The following ADGRL1 variants were observed in gnomAD, a reference collection of about 807,000 sequenced individuals.
ADGRL1 encodes the protein adhesion G protein-coupled receptor L1, also known as CIRL-1.
Under a neutral mutation model 148.9 loss-of-function variants are expected in ADGRL1, and 31 were observed. That is an observed-to-expected ratio of 0.21 (90% CI 0.16 to 0.28). The LOEUF (loss-of-function observed/expected upper bound fraction) is 0.28. ADGRL1 is among the 10% of genes least tolerant of loss of function. ADGRL1 has a pLI of 1.00. For missense variants in ADGRL1, 1,521 were observed against 2,058.8 expected, an observed-to-expected ratio of 0.74 and a Z score of 5.05; for synonymous variants, 937 against 900.3, an observed-to-expected ratio of 1.04 and a Z score of -0.73.
intron 18 of ADGRL1, among the ~76,000 whole-genome samples, 199 bp from the exon 19 acceptor site, chr19:14,153,111 C>CA (rs1968381430): frequency 6.6e-6 from 1 of 152,216 alleles, no homozygotes; most frequent in Non-Finnish European, 1.5e-5. Context: ...GATCAGGTTT[C>CA]ACTCTCTTCT....
At position 14,187,562 on chromosome 19, in the gene ADGRL1, G is replaced by C. The variant is rs189365573; in HGVS notation, c.-95-3865C>G. On this transcript the variant is annotated intron_variant, in intron 1 of 22. Coordinates refer to ENST00000361434, the MANE Select transcript of ADGRL1 (RefSeq NM_014921.5). ...CCTCTCCACTGCCCCAGCTTCTTCA[G>C]TAAATCCCCCCCAGCTACCTCCAGC... Among the ~76,000 whole-genome samples, 1,033 of 138,178 alleles carry C rather than the reference G, an allele frequency of 7.5e-3. 17 individuals are homozygous for C. Among genetic ancestry groups the C allele is most frequent in the African/African-American group, 0.026 (979 of 37,704 alleles). 90.7% of individuals were successfully genotyped at this position (138,178 alleles called of 152,430 possible).
chr19:14,205,049 G>A (rs1972894030), intron 1 of ADGRL1, among the ~76,000 whole-genome samples: 1 of 152,078 alleles, frequency 6.6e-6, no homozygotes, highest in African/African-American at 2.4e-5. Flanking sequence ...GTAGAGACAG[G>A]GGTGTGTGTA....
chr19:14,156,572 G>C, intron 16 of ADGRL1, 86 bp downstream of exon 16: 6 of 887,278 alleles, frequency 6.8e-6, no homozygotes, highest in East Asian at 2.8e-5. Context: ...TGTGTGGGGG[G>C]GGTGGGGGGC....
chr19:14,161,695 G>T lies in ADGRL1; in HGVS notation c.1196-69C>A. ...CATGCCACAGTGTGCTTGGGCAGGG[G>T]GTCCCAGGCCATCTTAGCATCTTCC... On this transcript the variant is annotated intron_variant, in intron 5 of 22. Transcript: ENST00000361434. The surrounding 1 kb of genome is among the most constrained non-coding windows in gnomAD (Gnocchi z 4.4). 1 of 1,137,326 alleles carries T rather than the reference G, an allele frequency of 8.8e-7. No individual in the cohort carries two copies. 70.5% of individuals were successfully genotyped at this position (1,137,326 alleles called of 1,614,324 possible).
chr19:14,182,323 C>A (rs1971254450), intron 2 of ADGRL1, among the ~76,000 whole-genome samples: 1 of 152,226 alleles, frequency 6.6e-6, no homozygotes. Context: ...CGGGGCAGCA[C>A]CTTCTGTGAC....
intron 2 of ADGRL1, among the ~76,000 whole-genome samples, chr19:14,178,882 C>G (rs889325978): frequency 6.6e-6 from 1 of 152,070 alleles, no homozygotes; most frequent in African/African-American, 2.4e-5. Flanking sequence ...AGGCGGCCAT[C>G]TATCTATAAG....
chr19:14,186,673 C>T (rs891955060), intron 1 of ADGRL1, among the ~76,000 whole-genome samples: 18 of 152,164 alleles, frequency 1.2e-4, no homozygotes, highest in East Asian at 5.8e-4. Context: ...GATGTTGATC[C>T]GAACATTAAC....
intron 1 of ADGRL1, among the ~76,000 whole-genome samples, chr19:14,202,003 G>A (rs1184643515): frequency 1.3e-5 from 2 of 152,044 alleles, no homozygotes; most frequent in African/African-American, 4.8e-5. Context: ...AAAAAGCCTC[G>A]AAAATATCTG....
intron 2 of ADGRL1, among the ~76,000 whole-genome samples, chr19:14,182,320 G>GC (rs1971254138): frequency 6.6e-6 from 1 of 152,240 alleles, no homozygotes; most frequent in Non-Finnish European, 1.5e-5. Context: ...GGCCGGGGCA[G>GC]CACCTTCTGT....
In ADGRL1 at chr19:14,161,873, T is replaced by C. The variant is rs1969426677; in HGVS notation, c.1196-247A>G. Among the ~76,000 whole-genome samples the C allele has an allele frequency of 6.6e-6, 1 of 152,138 alleles. No homozygotes were observed. The highest frequency in any genetic ancestry group is 1.5e-5 in the Non-Finnish European group (1 of 68,020). ...AATCCACGATGTGTACCATAAGGTC[T>C]GAGAGAACGGTCAGGGGAGAGGCAG... On this transcript the variant is annotated intron_variant, in intron 5 of 22. Transcript: ENST00000361434. This position sits in a 1 kb window ranked among gnomAD's most constrained non-coding sequence, Gnocchi z 4.4.
At chr19:14,184,622 A>ATTTT (rs1971448538) in intron 1 of ADGRL1, among the ~76,000 whole-genome samples, 11 of 125,106 alleles carry the variant, frequency 8.8e-5, no homozygotes, top group Admixed American at 1.6e-4. Flanking sequence ...TTATTTATTT[A>ATTTT]TTTATTTATT....
chr19:14,205,448 CAGAGAA>C (rs1292658045), intron 1 of ADGRL1, among the ~76,000 whole-genome samples: 2 of 152,026 alleles, frequency 1.3e-5, no homozygotes, highest in African/African-American at 4.8e-5. Context: ...CACTGCCTCC[CAGAGAA>C]AAACAACCCC....
intron 2 of ADGRL1, among the ~76,000 whole-genome samples, chr19:14,178,632 T>C (rs1016722600): frequency 3.3e-5 from 5 of 152,124 alleles, no homozygotes; most frequent in Non-Finnish European, 7.4e-5. Context: ...TGATCCTGCC[T>C]CAACCTCCCA....
chr19:14,165,790 G>A (rs764798983), intron 4 of ADGRL1, among the ~76,000 whole-genome samples: 1 of 152,054 alleles, frequency 6.6e-6, no homozygotes, highest in African/African-American at 2.4e-5. Context: ...ACGGGGAGGG[G>A]AGCAGCTCAG....
rs779428999 is a variant in ADGRL1 at position 14,150,966 on chromosome 19, C to T, written c.4317G>A (p.Arg1439=). ...RNPLQGYYQV[R]RPSHEGYLAA... is the part of the protein sequence containing the mutation. The stretch of plus-strand genomic sequence containing the variant: ...CCAGGTAGCCCTCGTGGCTAGGACG[C>T]CGCACCTGGTAGTAGCCCTGCAGGG... The change falls in exon 23 of 23, where the codon CGG becomes CGA. Residue 1439 remains arginine, a synonymous_variant. Coordinates refer to ENST00000361434, the MANE Select transcript of ADGRL1 (RefSeq NM_014921.5). 13 of 1,604,196 alleles carry T rather than the reference C, an allele frequency of 8.1e-6. No individual in the cohort carries two copies. The South Asian group carries it at 1.2e-4, about 15-fold the overall frequency.
Position 14,194,945 on chromosome 19 carries a change from T to C in ADGRL1, c.-96+11040A>G, listed in dbSNP as rs373903141. Among the ~76,000 whole-genome samples the C allele has an allele frequency of 4.3e-3, 650 of 150,636 alleles. 8 individuals carry two copies. Among genetic ancestry groups the C allele is most frequent in the African/African-American group, 0.015 (621 of 40,948 alleles). Reference sequence around the variant, plus strand: ...TGTCGCCCAGGCTGGAGTGCAATGGTGCACTCTCAGCTCACTGCAGCCTCA... The same window carrying C: ...TGTCGCCCAGGCTGGAGTGCAATGGCGCACTCTCAGCTCACTGCAGCCTCA... On this transcript the variant is annotated intron_variant, in intron 1 of 22. Transcript: ENST00000361434.
intron 1 of ADGRL1, among the ~76,000 whole-genome samples, chr19:14,204,413 G>A (rs1011537461): frequency 6.6e-6 from 1 of 152,044 alleles, no homozygotes; most frequent in African/African-American, 2.4e-5. Flanking sequence ...CAGGGGGCCA[G>A]GCCCTGGAGA....
chr19:14,163,047 T>C lies in ADGRL1; in HGVS notation c.754A>G (p.Thr252Ala). 6.2e-7 allele frequency: 1 copy of C among 1,614,030 alleles called. No homozygotes were observed. Among genetic ancestry groups the C allele is most frequent in the Non-Finnish European group, 8.5e-7 (1 of 1,180,010 alleles). Residue 252 changes from threonine to alanine, a missense_variant, in exon 5 of 23, where the codon ACC (threonine) becomes GCC (alanine). This residue lies in a region of ADGRL1 where 334 missense variants were observed against 512.5 expected (regional missense o/e 0.65). Coordinates refer to ENST00000361434, the MANE Select transcript of ADGRL1 (RefSeq NM_014921.5). ...TVINTANYHD[T>A]SPYRWGGKTD... ...TTTCCGCCCCAGCGGTAGGGCGAGG[T>C]GTCATGGTAGTTGGCGGTATTGATG...
Position 14,150,901 on chromosome 19 carries a change from C to G in ADGRL1, c.4382G>C (p.Gly1461Ala). 4 of 1,612,326 alleles carry G rather than the reference C, an allele frequency of 2.5e-6. No homozygotes were observed. The highest frequency in any genetic ancestry group is 3.4e-6 in the Non-Finnish European group (4 of 1,179,776). ...GAGACTGGTGACCAGCTGCATCTGC[C>G]CGTCCCCATCGGGCCCTGGCCCCTC... Reference protein sequence around the residue: ...GLEGPGPDGDGQMQLVTSL With the variant: ...GLEGPGPDGDAQMQLVTSL Residue 1461 changes from glycine (G) to alanine (A), a missense_variant, in exon 23 of 23, where the codon GGG (glycine) becomes GCG (alanine). Coordinates refer to ENST00000361434, the MANE Select transcript of ADGRL1 (RefSeq NM_014921.5).
Sources: gnomAD v4.1 joint callset for allele counts (sites outside exome capture counted in the v4.1 genomes callset) on GRCh38, gnomAD v4.1.1 for gene constraint, gnomAD v4.1.1 regional missense constraint, Gnocchi (gnomAD v3.1) non-coding constraint, MANE v1.5 for transcripts, NCBI Gene and HGNC (gene_info 2026-07-23, HGNC 2026-07-21) for gene names.